CDH13: variants seen among roughly 807,000 people sequenced by gnomAD.
CDH13 encodes cadherin-13.
Under a neutral mutation model 63.8 loss-of-function variants are expected in CDH13, and 24 were observed. The observed-to-expected ratio is 0.38, with a 90% CI of 0.27 to 0.53. CDH13 has a LOEUF of 0.53. Ranked by LOEUF, CDH13 falls within the 20% of genes least tolerant of loss-of-function variation. The pLI, the probability that CDH13 is intolerant of heterozygous loss-of-function variation, is 0.85. For missense variants in CDH13, 1,049 were observed against 903.1 expected (o/e 1.16, Z -2.07); for synonymous variants, 503 against 355.3 (o/e 1.42, Z -4.67).
chr16:83,113,073 A>G (rs1002068159), intron 3 of CDH13, among the ~76,000 whole-genome samples: 1 of 152,242 alleles, frequency 6.6e-6, no homozygotes, highest in Non-Finnish European at 1.5e-5. Flanking sequence ...AGCTGATGCT[A>G]TCGAAGGAAA....
At chr16:83,523,950 C>G (rs778821279) in intron 7 of CDH13, among the ~76,000 whole-genome samples, 8 of 152,154 alleles carry the variant, frequency 5.3e-5, no homozygotes, top group African/African-American at 1.9e-4. Flanking sequence ...AGATGGAGAG[C>G]GTCCTGGGCA....
chr16:83,620,481 G>A (rs1909712503), intron 8 of CDH13, among the ~76,000 whole-genome samples: 1 of 151,532 alleles, frequency 6.6e-6, no homozygotes, highest in Non-Finnish European at 1.5e-5. Flanking sequence ...CCACAAGAGT[G>A]AGTCAATGGC....
At chr16:83,164,422 T>C (rs9939203) in intron 4 of CDH13, among the ~76,000 whole-genome samples, 22,087 of 151,912 alleles carry the variant, frequency 0.15, 1,791 homozygotes, top group Middle Eastern at 0.22. Flanking sequence ...GCATCATTTA[T>C]TGAAAAACTA....
intron 7 of CDH13, among the ~76,000 whole-genome samples, chr16:83,500,970 A>G (rs1163592008): frequency 1.3e-5 from 2 of 152,168 alleles, no homozygotes; most frequent in African/African-American, 4.8e-5. Flanking sequence ...TGTTTTTAAG[A>G]TTGCAGGGGA....
At chr16:82,681,666 C>G (rs1914563174) in intron 1 of CDH13, among the ~76,000 whole-genome samples, 2 of 152,238 alleles carry the variant, frequency 1.3e-5, no homozygotes, top group Admixed American at 1.3e-4. Context: ...ATTCCCTCAC[C>G]TTTCTGCCAG....
chr16:83,577,242 A>C (rs1905145745), intron 7 of CDH13, among the ~76,000 whole-genome samples: 1 of 152,214 alleles, frequency 6.6e-6, no homozygotes, highest in Non-Finnish European at 1.5e-5. Flanking sequence ...CCCCTGTCCT[A>C]CTGTGTCCAC....
At chr16:83,620,339 C>T (rs1909692785) in intron 8 of CDH13, among the ~76,000 whole-genome samples, 1 of 145,262 alleles carries the variant, frequency 6.9e-6, no homozygotes. Context: ...TGCAATGAGC[C>T]GAGATCGCAC....
chr16:83,074,654 G>C (rs934780476), intron 3 of CDH13, among the ~76,000 whole-genome samples: 1 of 152,158 alleles, frequency 6.6e-6, no homozygotes, highest in Non-Finnish European at 1.5e-5. Context: ...ATCCTTGCTA[G>C]CATCTGTTAT....
chr16:83,771,746 G>A (rs1311385416), intron 11 of CDH13, among the ~76,000 whole-genome samples: 7 of 152,162 alleles, frequency 4.6e-5, no homozygotes, highest in East Asian at 1.9e-4. Context: ...AAAATGGGTC[G>A]GAAGGAAAAC....
chr16:82,737,056 G>T (rs1345265061), intron 1 of CDH13, among the ~76,000 whole-genome samples: 1 of 152,130 alleles, frequency 6.6e-6, no homozygotes, highest in African/African-American at 2.4e-5. Context: ...TTCTCCATCA[G>T]TGTTAGTTTC....
At chr16:82,656,492 C>G (rs1054961947) in intron 1 of CDH13, among the ~76,000 whole-genome samples, 11 of 152,098 alleles carry the variant, frequency 7.2e-5, no homozygotes, top group African/African-American at 2.7e-4. Flanking sequence ...CCTCCTATCC[C>G]CACAAATGCA....
chr16:83,232,154 C>G (rs533687548), intron 5 of CDH13, among the ~76,000 whole-genome samples: 68 of 146,258 alleles, frequency 4.6e-4, no homozygotes, highest in African/African-American at 1.7e-3. Flanking sequence ...CCCCATGACA[C>G]AAGTTTGCCT....
chr16:82,641,838 G>T (rs1909437531), intron 1 of CDH13, among the ~76,000 whole-genome samples: 1 of 152,162 alleles, frequency 6.6e-6, no homozygotes, highest in Non-Finnish European at 1.5e-5. Flanking sequence ...TACTGGCTGG[G>T]AGAGAGACAA....
intron 1 of CDH13, among the ~76,000 whole-genome samples, chr16:82,789,887 G>A (rs1470699794): frequency 6.6e-5 from 10 of 152,112 alleles, no homozygotes; most frequent in Non-Finnish European, 1.3e-4. Flanking sequence ...TTGTGGGCAC[G>A]CTCCTGCGGA....
chr16:83,041,224 C>T (rs548382417), intron 3 of CDH13, among the ~76,000 whole-genome samples: 9 of 152,000 alleles, frequency 5.9e-5, no homozygotes, highest in Non-Finnish European at 1.0e-4. Context: ...CCTTTTTTGT[C>T]ATTACAAGAA....
chr16:83,611,607 T>G (rs1023864313), intron 8 of CDH13, among the ~76,000 whole-genome samples: 3 of 152,058 alleles, frequency 2.0e-5, no homozygotes, highest in Non-Finnish European at 2.9e-5. Context: ...GAAATGATAC[T>G]TTAATCATTG....
intron 4 of CDH13, among the ~76,000 whole-genome samples, chr16:83,157,677 A>C (rs1193461015): frequency 6.6e-6 from 1 of 151,496 alleles, no homozygotes; most frequent in Admixed American, 6.6e-5. Flanking sequence ...GGCAGATCAC[A>C]AAGTTAGGAG....
intron 5 of CDH13, among the ~76,000 whole-genome samples, chr16:83,245,197 G>T (rs530362587): frequency 1.9e-4 from 29 of 151,906 alleles, no homozygotes; most frequent in African/African-American, 6.8e-4. Context: ...TTTACCTCTG[G>T]ACTCTAAATT....
chr16:83,788,857 C>T (rs1674594716), intron 13 of CDH13, among the ~76,000 whole-genome samples: 1 of 152,158 alleles, frequency 6.6e-6, no homozygotes, highest in African/African-American at 2.4e-5. Flanking sequence ...CTCTGGATCT[C>T]CTTGTGTAGC....
Sources: allele counts gnomAD v4.1 joint callset (sites outside exome capture counted in the v4.1 genomes callset), GRCh38; gene constraint gnomAD v4.1.1; transcripts MANE v1.5; gene names NCBI Gene and HGNC (gene_info 2026-07-23, HGNC 2026-07-21).